Variants in ASAP1 observed in about 807,000 individuals in gnomAD.
ASAP1 encodes the protein arf-GAP with SH3 domain, ANK repeat and PH domain-containing protein 1.
A neutral mutation model predicts 145.2 loss-of-function variants in ASAP1; 43 were observed. The observed-to-expected ratio is 0.30, with a 90% CI of 0.23 to 0.38. The LOEUF (loss-of-function observed/expected upper bound fraction) is 0.38. Ranked by LOEUF, ASAP1 falls within the 10% of genes least tolerant of loss-of-function variation. The probability of loss-of-function intolerance (pLI) is 1.00; values close to 1 mark genes in which losing one functional copy is unlikely to be tolerated. For synonymous variants in ASAP1, 546 were observed against 515.5 expected (o/e 1.06, Z -0.80); for missense variants, 1,018 against 1,355.3 (o/e 0.75, Z 3.91).
chr8:130,398,498 T>C (rs1261863363), intron 2 of ASAP1, among the ~76,000 whole-genome samples: 1 of 152,186 alleles, frequency 6.6e-6, no homozygotes, highest in Non-Finnish European at 1.5e-5. Context: ...GTGGTAATAT[T>C]AGTAGAAGCA....
chr8:130,118,432 C>A, intron 19 of ASAP1, 57 bp downstream of exon 19: 1 of 1,531,042 alleles, frequency 6.5e-7, no homozygotes. Context: ...AAATAAGTCA[C>A]CTTTTAAACT....
chr8:130,207,573 C>G (rs762327295), intron 5 of ASAP1, among the ~76,000 whole-genome samples: 1 of 152,076 alleles, frequency 6.6e-6, no homozygotes, highest in Non-Finnish European at 1.5e-5. Context: ...ATTACTAAAC[C>G]CTTTTTACAA....
At chr8:130,276,728 ACT>A (rs10678909) in intron 3 of ASAP1, among the ~76,000 whole-genome samples, 14,236 of 85,968 alleles carry the variant, frequency 0.17, 1,069 homozygotes, top group East Asian at 0.21. Flanking sequence ...ACACACACAC[ACT>A]CTCTCTCTCT....
Position 130,118,524 on chromosome 8 carries a change from C to G in ASAP1, c.1759G>C (p.Val587Leu). ...LALIQVYAEGVELMEPLLEPG... is the reference protein window; with the variant it reads ...LALIQVYAEGLELMEPLLEPG... ...TCCAGCAGTGGTTCCATTAGCTCTACCCCTTCTGCATAGACTTGAATTAGT... is the reference window on the plus strand; with the variant it reads ...TCCAGCAGTGGTTCCATTAGCTCTAGCCCTTCTGCATAGACTTGAATTAGT... Residue 587 changes from valine to leucine, a missense_variant, in exon 19 of 30, where the codon GTA (valine) becomes CTA (leucine). Physicochemically the swap from Val to Leu is conservative, Grantham distance 32 (BLOSUM62 1). Around this residue, in one of 9 missense-constraint regions of ASAP1, gnomAD observed 353 missense variants for 375.4 expected, o/e 0.94. Coordinates refer to ENST00000518721, the MANE Select transcript of ASAP1 (RefSeq NM_018482.4). 2 of 1,613,708 alleles carry G rather than the reference C, an allele frequency of 1.2e-6. No homozygotes were observed. The highest frequency in any genetic ancestry group is 1.7e-6 in the Non-Finnish European group (2 of 1,179,754).
chr8:130,417,717 AG>A (rs1426453383), intron 1 of ASAP1, among the ~76,000 whole-genome samples: 4 of 151,792 alleles, frequency 2.6e-5, no homozygotes, highest in Non-Finnish European at 4.4e-5. Flanking sequence ...AAGGGCTCAG[AG>A]GATGTGGTCA....
intron 13 of ASAP1, among the ~76,000 whole-genome samples, chr8:130,138,126 G>A (rs978562424): frequency 6.6e-5 from 10 of 152,184 alleles, no homozygotes; most frequent in Admixed American, 6.5e-4. Context: ...AGTCACATCA[G>A]TAAGCCTGAA....
intron 3 of ASAP1, among the ~76,000 whole-genome samples, chr8:130,271,933 T>C (rs1325368925): frequency 1.3e-5 from 2 of 152,058 alleles, no homozygotes; most frequent in Non-Finnish European, 2.9e-5. Flanking sequence ...TGTTTTATAA[T>C]GGAAGGGGAG....
intron 1 of ASAP1, among the ~76,000 whole-genome samples, chr8:130,432,676 C>T (rs1292206663): frequency 1.3e-5 from 2 of 152,126 alleles, no homozygotes; most frequent in Admixed American, 6.6e-5. Context: ...ATGGCTGCCA[C>T]GGTTCCAGGT....
intron 24 of ASAP1, among the ~76,000 whole-genome samples, chr8:130,098,033 C>T (rs189818474): frequency 6.6e-6 from 1 of 152,270 alleles, no homozygotes; most frequent in East Asian, 1.9e-4. Context: ...TTTTCTGGAG[C>T]TACCATTTAC....
At chr8:130,284,880 CCAT>C (rs1228239837) in intron 3 of ASAP1, among the ~76,000 whole-genome samples, 1 of 143,170 alleles carries the variant, frequency 7.0e-6, no homozygotes, top group African/African-American at 2.5e-5. Flanking sequence ...CACACACACA[CCAT>C]ACTGAGAGAG....
At position 130,264,646 on chromosome 8, in the gene ASAP1, T is replaced by C. The variant is rs183909965; in HGVS notation, c.187-27652A>G. Among the ~76,000 whole-genome samples the C allele has an allele frequency of 9.8e-5, 15 of 152,338 alleles. No individual in the cohort carries two copies. In the South Asian group the frequency reaches 2.5e-3, roughly 25 times the overall value. ...AGATATTCACGCACAACATATTTCA[T>C]TTTGTTTCAATTCACTTCACTATGT... On this transcript the variant is annotated intron_variant, in intron 3 of 29. Transcript: ENST00000518721.
intron 3 of ASAP1, among the ~76,000 whole-genome samples, chr8:130,338,565 A>T (rs887060257): frequency 5.3e-5 from 8 of 152,202 alleles, no homozygotes; most frequent in African/African-American, 1.4e-4. Flanking sequence ...CAGTATCTTT[A>T]ATGACTCTAG....
At chr8:130,226,649 T>G (rs1817605705) in intron 4 of ASAP1, among the ~76,000 whole-genome samples, 1 of 152,176 alleles carries the variant, frequency 6.6e-6, no homozygotes, top group South Asian at 2.1e-4. Context: ...AAACTCAGCA[T>G]GCATATTCTC....
chr8:130,285,651 C>G (rs1185808169), intron 3 of ASAP1, among the ~76,000 whole-genome samples: 2 of 152,164 alleles, frequency 1.3e-5, no homozygotes, highest in Middle Eastern at 3.2e-3. Context: ...TTTCTGAAAG[C>G]TCTGGGAAAG....
intron 5 of ASAP1, among the ~76,000 whole-genome samples, chr8:130,193,987 G>A (rs1159187051): frequency 2.0e-5 from 3 of 152,046 alleles, no homozygotes; most frequent in African/African-American, 4.8e-5. Context: ...ACCATGCTCC[G>A]CCACACATAG....
rs766538059 is a variant in ASAP1 at position 130,214,610 on chromosome 8, C to T, written c.351G>A (p.Ala117=). Residue 117 remains alanine, a synonymous_variant, in exon 5 of 30, where the codon GCG becomes GCA. Coordinates refer to ENST00000518721, the MANE Select transcript of ASAP1 (RefSeq NM_018482.4). ...LSRDNPDLGT[A]FVKFSTLTKE... ...TTGTAAGAGTAGAAAACTTGACAAA[C>T]GCGGTGCCAAGGTCGGGGTTGTCTC... 17 of 1,612,904 alleles carry T rather than the reference C, an allele frequency of 1.1e-5. No individual in the cohort carries two copies. Among genetic ancestry groups the T allele is most frequent in the South Asian group, 3.3e-5 (3 of 90,844 alleles).
rs376357013 is a variant in ASAP1 at position 130,086,607 on chromosome 8, C to G, written c.2572+5366G>C. ...ATCACATAACTCAGGAGTTTGAGACCAGCCTGGGCAATATGGTGAAACCCC... is the reference window on the plus strand; with the variant it reads ...ATCACATAACTCAGGAGTTTGAGACGAGCCTGGGCAATATGGTGAAACCCC... On this transcript the variant is annotated intron_variant, in intron 25 of 29. Transcript: ENST00000518721. Among the ~76,000 whole-genome samples the G allele has an allele frequency of 2.5e-3, 376 of 152,260 alleles. 2 individuals carry two copies. Among genetic ancestry groups the G allele is most frequent in the African/African-American group, 8.9e-3 (369 of 41,548 alleles).
intron 3 of ASAP1, among the ~76,000 whole-genome samples, chr8:130,327,288 C>T (rs1824397038): frequency 6.6e-6 from 1 of 152,208 alleles, no homozygotes; most frequent in Non-Finnish European, 1.5e-5. Context: ...TCATCCTCTC[C>T]CACCAAACTG....
At chr8:130,055,897 CATGT>C (rs1452819354) in intron 29 of ASAP1, among the ~76,000 whole-genome samples, 1 of 152,244 alleles carries the variant, frequency 6.6e-6, no homozygotes, top group Non-Finnish European at 1.5e-5. Flanking sequence ...TGGCATCATG[CATGT>C]GTGAGGTCTT....
Sources: allele counts gnomAD v4.1 joint callset (sites outside exome capture counted in the v4.1 genomes callset), GRCh38; gene constraint gnomAD v4.1.1; regional missense constraint gnomAD v4.1.1; transcripts MANE v1.5; gene names NCBI Gene and HGNC (gene_info 2026-07-23, HGNC 2026-07-21).